COL22A1: variants seen among roughly 807,000 people sequenced by gnomAD.
COL22A1 encodes collagen alpha-1(XXII) chain.
A neutral mutation model predicts 248.9 loss-of-function variants in COL22A1; 221 were observed. The ratio of observed to expected loss-of-function variants is 0.89; its 90% confidence interval spans 0.80 to 0.99. The LOEUF is 0.99. COL22A1 is among the 50% of genes least tolerant of loss of function. The probability of loss-of-function intolerance (pLI) is 0.00; values close to 1 mark genes in which losing one functional copy is unlikely to be tolerated. For synonymous variants in COL22A1, 891 were observed against 793.4 expected (o/e 1.12, Z -2.07); for missense variants, 2,240 against 2,179.0 (o/e 1.03, Z -0.56).
At chr8:138,644,835 C>T (rs1372135507) in intron 47 of COL22A1, among the ~76,000 whole-genome samples, 1 of 152,150 alleles carries the variant, frequency 6.6e-6, no homozygotes, top group Non-Finnish European at 1.5e-5. Context: ...TTTACCCTTC[C>T]CTTGAGGCAC....
chr8:138,611,616 T>A (rs939531742), intron 56 of COL22A1, among the ~76,000 whole-genome samples: 1 of 152,228 alleles, frequency 6.6e-6, no homozygotes, highest in African/African-American at 2.4e-5. Context: ...TTATGTGCTG[T>A]ATCCATATCT....
At chr8:138,829,566 G>A (rs952874651) in intron 5 of COL22A1, among the ~76,000 whole-genome samples, 2 of 151,814 alleles carry the variant, frequency 1.3e-5, no homozygotes, top group African/African-American at 2.4e-5. Context: ...ACCACACCTG[G>A]CTAATGTTTT....
intron 1 of COL22A1, among the ~76,000 whole-genome samples, chr8:138,898,238 G>A (rs1415910885): frequency 6.6e-6 from 1 of 152,144 alleles, no homozygotes; most frequent in East Asian, 1.9e-4. Flanking sequence ...CTGGGTGTAC[G>A]TAATAAAACA....
At chr8:138,793,382 C>T (rs1332547506) in intron 12 of COL22A1, among the ~76,000 whole-genome samples, 1 of 152,158 alleles carries the variant, frequency 6.6e-6, no homozygotes, top group Non-Finnish European at 1.5e-5. Flanking sequence ...GGGGCAAAGG[C>T]TGGGGGTGGG....
intron 45 of COL22A1, among the ~76,000 whole-genome samples, chr8:138,652,795 G>T (rs781745293): frequency 1.9e-4 from 21 of 109,796 alleles, no homozygotes; most frequent in Non-Finnish European, 3.2e-4. Context: ...CACCCAGCTT[G>T]GAGTGCAGTG....
intron 3 of COL22A1, among the ~76,000 whole-genome samples, chr8:138,864,125 C>A (rs1379377278): frequency 6.6e-6 from 1 of 152,092 alleles, no homozygotes; most frequent in East Asian, 1.9e-4. Flanking sequence ...CCCATTTGGA[C>A]CCCATGCTCA....
At chr8:138,791,340 A>G (rs1816017927) in intron 12 of COL22A1, among the ~76,000 whole-genome samples, 1 of 152,206 alleles carries the variant, frequency 6.6e-6, no homozygotes, top group Non-Finnish European at 1.5e-5. Flanking sequence ...GGAGACAAAT[A>G]CTGGGGAAGG....
At chr8:138,653,613 A>T (rs1822951018) in intron 45 of COL22A1, among the ~76,000 whole-genome samples, 1 of 152,184 alleles carries the variant, frequency 6.6e-6, no homozygotes, top group Non-Finnish European at 1.5e-5. Context: ...ATGGGCACAG[A>T]TCCAACTATG....
chr8:138,602,042 A>T, intron 60 of COL22A1, 73 bp downstream of exon 60: 1 of 1,540,854 alleles, frequency 6.5e-7, no homozygotes, highest in Non-Finnish European at 9.0e-7. Flanking sequence ...GACAAAGGCC[A>T]GGCTCAACAT....
chr8:138,703,431 TC>T lies in COL22A1; in HGVS notation c.2518-85del, dbSNP rs1281109712. ...TGCAACAGATCAGCTAACACTATTT[TC>T]CCCAGACAACAGAAGGTGTTGTCTT... is the stretch of plus-strand genomic sequence containing the variant. On this transcript the variant is annotated intron_variant, in intron 30 of 64. Coordinates refer to ENST00000303045, the MANE Select transcript of COL22A1 (RefSeq NM_152888.3). The T allele has an allele frequency of 6.1e-6, 8 of 1,307,352 alleles. No homozygotes were observed. In the East Asian group the frequency reaches 1.8e-4, roughly 30 times the overall value. The allele number at this position is 1,307,352 out of a possible 1,614,324, so 81.0% of individuals were successfully genotyped here. A position where few individuals can be genotyped will look rare whatever the true frequency, so the allele number is the denominator to read the frequency against.
At chr8:138,649,082 A>G (rs1822460138) in intron 46 of COL22A1, among the ~76,000 whole-genome samples, 1 of 152,128 alleles carries the variant, frequency 6.6e-6, no homozygotes, top group South Asian at 2.1e-4. Flanking sequence ...TTTTGTTTTC[A>G]ATTCTATTTC....
intron 3 of COL22A1, among the ~76,000 whole-genome samples, chr8:138,846,945 C>T (rs960497769): frequency 6.6e-6 from 1 of 152,200 alleles, no homozygotes; most frequent in Non-Finnish European, 1.5e-5. Context: ...AGGATCAGTG[C>T]TACTGGGAGT....
intron 30 of COL22A1, among the ~76,000 whole-genome samples, chr8:138,705,776 T>C (rs1828375540): frequency 6.6e-6 from 1 of 152,104 alleles, no homozygotes; most frequent in Admixed American, 6.5e-5. Context: ...AATTCACACA[T>C]AACAATATTA....
At chr8:138,830,338 C>T (rs1819944846) in intron 5 of COL22A1, among the ~76,000 whole-genome samples, 1 of 152,148 alleles carries the variant, frequency 6.6e-6, no homozygotes. Flanking sequence ...ATGCCCTTTA[C>T]ATATTAAAAA....
chr8:138,631,029 C>T (rs1820678469), intron 49 of COL22A1, among the ~76,000 whole-genome samples: 4 of 152,152 alleles, frequency 2.6e-5, no homozygotes, highest in Admixed American at 2.6e-4. Context: ...AGGACCTCCC[C>T]ACCTTTACTC....
At chr8:138,803,002 C>G in intron 10 of COL22A1, 68 bp from the exon 11 acceptor site, 2 of 1,236,418 alleles carry the variant, frequency 1.6e-6, no homozygotes, top group Non-Finnish European at 1.2e-6. Flanking sequence ...ACACACAGGA[C>G]CCTCACGGCC....
intron 1 of COL22A1, among the ~76,000 whole-genome samples, chr8:138,884,894 T>C (rs1824530690): frequency 6.6e-6 from 1 of 151,704 alleles, no homozygotes; most frequent in Admixed American, 6.6e-5. Context: ...GAAGAGAAGC[T>C]CCAAAAACCT....
At position 138,811,887 on chromosome 8, in the gene COL22A1, G is replaced by A; in HGVS notation, c.1361C>T (p.Pro454Leu). 1 of 1,563,726 alleles carries A rather than the reference G, an allele frequency of 6.4e-7. No homozygotes were observed. The highest frequency in any genetic ancestry group is 8.7e-7 in the Non-Finnish European group (1 of 1,154,316). ...QVTVVTEPPPPPPPQRPPTPG... is the reference protein window; with the variant it reads ...QVTVVTEPPPLPPPQRPPTPG... ...GGTGGGAGGCCGCTGGGGTGGGGGT[G>A]GAGGTGGAGGCTCTGTCACCACGGT... is the stretch of plus-strand genomic sequence containing the variant. Residue 454 changes from proline (P) to leucine (L), a missense_variant, in exon 9 of 65, where the codon CCA (proline) becomes CTA (leucine). Pro to Leu is a moderately conservative substitution (Grantham distance 98). Coordinates refer to ENST00000303045, the MANE Select transcript of COL22A1 (RefSeq NM_152888.3).
intron 10 of COL22A1, among the ~76,000 whole-genome samples, chr8:138,805,918 G>A (rs906532938): frequency 8.9e-5 from 13 of 146,468 alleles, no homozygotes; most frequent in Middle Eastern, 7.5e-3. Context: ...GATGGTGTAG[G>A]TGACGGTGTG....
Sources: allele counts gnomAD v4.1 joint callset (sites outside exome capture counted in the v4.1 genomes callset), GRCh38; gene constraint gnomAD v4.1.1; transcripts MANE v1.5; gene names NCBI Gene and HGNC (gene_info 2026-07-23, HGNC 2026-07-21).